Variants in ZNF273 observed in about 807,000 individuals in gnomAD.
ZNF273 encodes the protein zinc finger protein 273, also known as zinc finger protein 9.
Under a neutral mutation model 14.9 loss-of-function variants are expected in ZNF273, and 11 were observed. The observed-to-expected ratio is 0.74, with a 90% CI of 0.46 to 1.22. ZNF273 has a LOEUF of 1.22. Ranked by LOEUF, ZNF273 falls within the 50% of genes most tolerant of loss-of-function variation. The probability of loss-of-function intolerance (pLI) is 0.00; values close to 1 mark genes in which losing one functional copy is unlikely to be tolerated. For synonymous variants in ZNF273, 199 were observed against 223.9 expected (o/e 0.89, Z 0.99); for missense variants, 577 against 660.6 (o/e 0.87, Z 1.39).
chr7:64,927,171 C>A (rs1000427530), intron 3 of ZNF273, among the ~76,000 whole-genome samples: 1 of 152,228 alleles, frequency 6.6e-6, no homozygotes, highest in African/African-American at 2.4e-5. Flanking sequence ...CAGCTCACTG[C>A]AGCCTCTACC....
At chr7:64,898,336 T>TCG (rs1792484018), upstream of ZNF273, among the ~76,000 whole-genome samples, 1 of 152,228 alleles carries the variant, frequency 6.6e-6, no homozygotes, top group Admixed American at 6.5e-5. Flanking sequence ...GTTATTGCCA[T>TCG]TTTAATGATG....
At chr7:64,920,272 C>G (rs1794331208) in intron 3 of ZNF273, among the ~76,000 whole-genome samples, 1 of 151,938 alleles carries the variant, frequency 6.6e-6, no homozygotes, top group Non-Finnish European at 1.5e-5. Context: ...GGGCAGACAC[C>G]AGGGCAGGTT....
downstream of ZNF273, chr7:64,879,993 A>T (rs1216873708): frequency 2.6e-5 from 4 of 152,266 alleles, no homozygotes; most frequent in Non-Finnish European, 5.9e-5. Flanking sequence ...AAACCCTGAC[A>T]GCCTGGTGAC....
In ZNF273 at chr7:64,912,830, T is replaced by TTTGTTGTTGTTG. The variant is rs200954773; in HGVS notation, c.103-4749_103-4748insGTTGTTGTTGTT. ...TTTGACTCAGGATTCATTTTAGTTT[T>TTTGTTGTTGTTG]TTTTTTTTTTTTTTTTGAGATTGAG... On this transcript the variant is annotated intron_variant, in intron 1 of 3. Transcript: ENST00000476120. Among the ~76,000 whole-genome samples the TTTGTTGTTGTTG allele has an allele frequency of 9.5e-5, 9 of 94,318 alleles. 2 individuals carry two copies. In the East Asian group the frequency reaches 2.3e-3, roughly 24 times the overall value. 61.9% of individuals were successfully genotyped at this position (94,318 alleles called of 152,430 possible). A position where few individuals can be genotyped will look rare whatever the true frequency, so the allele number is the denominator to read the frequency against.
intron 3 of ZNF273, chr7:64,924,563 CATGA>C (rs1478683960): frequency 2.0e-5 from 3 of 152,080 alleles, no homozygotes; most frequent in Non-Finnish European, 4.4e-5. Flanking sequence ...CATAGTTTCT[CATGA>C]ATCTATTATT....
At position 64,916,410 on chromosome 7, in the gene ZNF273, C is replaced by T. The variant is rs10225010; in HGVS notation, c.103-1171C>T. On this transcript the variant is annotated intron_variant, in intron 1 of 3. Coordinates refer to ENST00000476120, the MANE Select transcript of ZNF273 (RefSeq NM_021148.3). ...AAAAATTAGCTGGGCATGGCAGCGG[C>T]GGCAGGCGCCTGTAATCCCACCTAC... Among the ~76,000 whole-genome samples the T allele has an allele frequency of 6.6e-3, 989 of 149,472 alleles. 2 individuals are homozygous for T. The highest frequency in any genetic ancestry group is 0.023 in the African/African-American group (921 of 40,770).
chr7:64,898,122 T>G (rs2129050083), intron 4 of ZNF273: 1 of 152,376 alleles, frequency 6.6e-6, no homozygotes, highest in Non-Finnish European at 1.5e-5. Flanking sequence ...ATAAGAATAT[T>G]GTGAATAAAG....
chr7:64,901,056 G>A (rs1420814219), upstream of ZNF273, among the ~76,000 whole-genome samples: 2 of 151,390 alleles, frequency 1.3e-5, no homozygotes, highest in African/African-American at 2.4e-5. Flanking sequence ...AGGCTGGAGT[G>A]CAGTGGCTCC....
downstream of ZNF273, chr7:64,880,320 G>A (rs1443601697): frequency 6.6e-6 from 1 of 152,180 alleles, no homozygotes; most frequent in African/African-American, 2.4e-5. Flanking sequence ...TAGACGGAGT[G>A]GGGGTGAGTC....
intron 1 of ZNF273, among the ~76,000 whole-genome samples, chr7:64,907,826 C>CG (rs1793226110): frequency 6.6e-6 from 1 of 152,162 alleles, no homozygotes; most frequent in African/African-American, 2.4e-5. Context: ...CCTGTGATTC[C>CG]ATGTCTCCTC....
intron 1 of ZNF273, among the ~76,000 whole-genome samples, chr7:64,910,861 G>A (rs769911265): frequency 4.0e-5 from 6 of 150,442 alleles, no homozygotes; most frequent in Non-Finnish European, 5.9e-5. Flanking sequence ...CGCCTCCTAG[G>A]TTCAAACAAT....
At chr7:64,899,397 G>C (rs1969460), upstream of ZNF273, among the ~76,000 whole-genome samples, 1 of 152,042 alleles carries the variant, frequency 6.6e-6, no homozygotes, top group African/African-American at 2.4e-5. Flanking sequence ...GCTCACGCCT[G>C]TAATCCCGAC....
intron 1 of ZNF273, among the ~76,000 whole-genome samples, chr7:64,903,638 T>C (rs1389694291): frequency 6.6e-6 from 1 of 152,138 alleles, no homozygotes; most frequent in Non-Finnish European, 1.5e-5. Context: ...CCCTGCGCAG[T>C]GACCGTTCCC....
chr7:64,896,332 G>A (rs1007679547), intron 3 of ZNF273, among the ~76,000 whole-genome samples: 3 of 152,142 alleles, frequency 2.0e-5, no homozygotes, highest in Non-Finnish European at 2.9e-5. Flanking sequence ...AATATATTTG[G>A]TTCCGCAAAT....
chr7:64,917,285 A>G (rs1013110647), intron 1 of ZNF273, among the ~76,000 whole-genome samples: 2 of 152,208 alleles, frequency 1.3e-5, no homozygotes, highest in African/African-American at 2.4e-5. Context: ...CTGATTCTGT[A>G]TGATGTAAAT....
intron 3 of ZNF273, among the ~76,000 whole-genome samples, chr7:64,919,291 T>A (rs1242312277): frequency 2.0e-5 from 3 of 152,200 alleles, no homozygotes; most frequent in Non-Finnish European, 4.4e-5. Context: ...ATTCTTTGAA[T>A]CCATATACGT....
At chr7:64,909,315 C>T (rs1308389335) in intron 1 of ZNF273, among the ~76,000 whole-genome samples, 4 of 152,010 alleles carry the variant, frequency 2.6e-5, no homozygotes, top group Non-Finnish European at 4.4e-5. Flanking sequence ...GCCTCCACCA[C>T]CCAGGCTCGA....
upstream of ZNF273, among the ~76,000 whole-genome samples, chr7:64,899,995 T>C (rs945048434): frequency 1.3e-5 from 2 of 152,032 alleles, no homozygotes; most frequent in African/African-American, 4.8e-5. Context: ...CCCAACCTCA[T>C]GGGATCCGCC....
intron 3 of ZNF273, among the ~76,000 whole-genome samples, chr7:64,925,344 G>T (rs1794721589): frequency 6.6e-6 from 1 of 151,798 alleles, no homozygotes; most frequent in Non-Finnish European, 1.5e-5. Context: ...ATTTTTTGGG[G>T]TACCTTGGGG....
Sources: gnomAD v4.1 joint callset for allele counts (sites outside exome capture counted in the v4.1 genomes callset) on GRCh38, gnomAD v4.1.1 for gene constraint, MANE v1.5 for transcripts, NCBI Gene and HGNC (gene_info 2026-07-23, HGNC 2026-07-21) for gene names.